Variants in LRRK2 observed in about 807,000 individuals in gnomAD.
LRRK2 encodes the protein leucine rich repeat kinase 2, also known as leucine-rich repeat serine/threonine-protein kinase 2.
In LRRK2, 203 loss-of-function variants were observed where a neutral mutation model predicts 302.6. The observed-to-expected ratio is 0.67, with a 90% CI of 0.60 to 0.75. LRRK2 has a LOEUF of 0.75. Ranked by LOEUF, LRRK2 falls within the 30% of genes least tolerant of loss-of-function variation. LRRK2 has a pLI of 0.00. For missense variants in LRRK2, 2,830 were observed against 2,951.0 expected (o/e 0.96, Z 0.95); for synonymous variants, 1,066 against 1,031.9 (o/e 1.03, Z -0.63).
intron 16 of LRRK2, among the ~76,000 whole-genome samples, chr12:40,275,875 G>T (rs1943430183): frequency 6.6e-6 from 1 of 151,978 alleles, no homozygotes; most frequent in Non-Finnish European, 1.5e-5. Context: ...GCCTCCCAAA[G>T]TGCTGGGATT....
intron 20 of LRRK2, among the ~76,000 whole-genome samples, chr12:40,288,896 G>A (rs1196463194): frequency 6.6e-6 from 1 of 151,802 alleles, no homozygotes; most frequent in Non-Finnish European, 1.5e-5. Context: ...TAACAAAACA[G>A]AGGTTTTAAA....
Position 40,298,798 on chromosome 12 carries a change from T to TATAA in LRRK2, c.3347+306_3347+307insTAAA, listed in dbSNP as rs57355300. 0.11 allele frequency among the ~76,000 whole-genome samples: 10,008 copies of TATAA among 95,048 alleles called. 1,599 individuals carry two copies. The highest frequency in any genetic ancestry group is 0.15 in the Middle Eastern group (31 of 208). 62.4% of individuals were successfully genotyped at this position (95,048 alleles called of 152,430 possible). A position where few individuals can be genotyped will look rare whatever the true frequency, so the allele number is the denominator to read the frequency against. The stretch of plus-strand genomic sequence containing the variant: ...AAAGAAATATATATATATATATATA[T>TATAA]AATATATGTATTATAATATATAATA... On this transcript the variant is annotated intron_variant, in intron 24 of 50. Coordinates refer to ENST00000298910, the MANE Select transcript of LRRK2 (RefSeq NM_198578.4).
intron 33 of LRRK2, among the ~76,000 whole-genome samples, chr12:40,317,606 A>T (rs1945265617): frequency 6.6e-6 from 1 of 152,118 alleles, no homozygotes; most frequent in Admixed American, 6.6e-5. Flanking sequence ...AAGAGATATG[A>T]AAGAGACCTA....
chr12:40,260,320 A>G (rs1203767249), intron 13 of LRRK2, among the ~76,000 whole-genome samples: 1 of 151,940 alleles, frequency 6.6e-6, no homozygotes, highest in Non-Finnish European at 1.5e-5. Context: ...ATAGATGCAT[A>G]TATAAAAGGC....
Position 40,232,341 on chromosome 12 carries a change from C to G in LRRK2, c.305C>G (p.Pro102Arg). Residue 102 changes from proline to arginine, a missense_variant, in exon 3 of 51, where the codon CCC (proline) becomes CGC (arginine). By Grantham distance (103) the Pro-to-Arg change is moderately radical. Transcript: ENST00000298910. Reference sequence around the variant, plus strand: ...GGTACAATGCAAAGCTTAATGGGACCCCAGGATGTTGGAAATGATTGGGAA... The same window carrying G: ...GGTACAATGCAAAGCTTAATGGGACGCCAGGATGTTGGAAATGATTGGGAA... Reference protein sequence around the residue: ...CPGTMQSLMGPQDVGNDWEVL... With the variant: ...CPGTMQSLMGRQDVGNDWEVL... The G allele has an allele frequency of 2.5e-6, 4 of 1,613,910 alleles. No individual in the cohort carries two copies. Among genetic ancestry groups the G allele is most frequent in the Non-Finnish European group, 3.4e-6 (4 of 1,179,964 alleles).
intron 45 of LRRK2, among the ~76,000 whole-genome samples, chr12:40,354,841 AAAAT>A (rs1281122343): frequency 1.8e-4 from 1 of 5,622 alleles, no homozygotes; most frequent in African/African-American, 3.1e-4. Flanking sequence ...TGAAAAAAAA[AAAAT>A]ATATATATAT....
intron 33 of LRRK2, among the ~76,000 whole-genome samples, chr12:40,315,748 A>G (rs1300484962): frequency 6.6e-6 from 1 of 152,076 alleles, no homozygotes; most frequent in Non-Finnish European, 1.5e-5. Flanking sequence ...TACGATTTTG[A>G]AAACTTTGGA....
In LRRK2 at chr12:40,321,016, G is replaced by A; in HGVS notation, c.5016-18G>A. The A allele has an allele frequency of 8.1e-6, 13 of 1,612,096 alleles. No homozygotes were observed. Among genetic ancestry groups the A allele is most frequent in the Non-Finnish European group, 1.1e-5 (13 of 1,178,494 alleles). On this transcript the variant is annotated intron_variant, in intron 34 of 50. Transcript: ENST00000298910. Reference sequence around the variant, plus strand: ...TGTTTTGTGAGGCTGTATAACCATAGTGTCCTTTTGCCTTTAGTTTGTCTG... The same window carrying A: ...TGTTTTGTGAGGCTGTATAACCATAATGTCCTTTTGCCTTTAGTTTGTCTG...
chr12:40,288,705 T>G (rs1944025767), intron 20 of LRRK2, among the ~76,000 whole-genome samples: 2 of 151,918 alleles, frequency 1.3e-5, no homozygotes, highest in Non-Finnish European at 2.9e-5. Flanking sequence ...AGAGGATGTT[T>G]TCATGTTCTT....
chr12:40,312,561 A>G (rs774974220), intron 31 of LRRK2, among the ~76,000 whole-genome samples: 3 of 152,028 alleles, frequency 2.0e-5, no homozygotes, highest in Non-Finnish European at 4.4e-5. Flanking sequence ...TTCTGTCTCA[A>G]CCTTATTAAC....
chr12:40,300,196 T>C (rs1406419915), intron 25 of LRRK2, among the ~76,000 whole-genome samples: 1 of 152,230 alleles, frequency 6.6e-6, no homozygotes, highest in Non-Finnish European at 1.5e-5. Flanking sequence ...TTAATGTATA[T>C]TCATTCAGCT....
At chr12:40,240,721 G>T in intron 6 of LRRK2, 104 bp downstream of exon 6, 2 of 1,116,024 alleles carry the variant, frequency 1.8e-6, no homozygotes, top group Non-Finnish European at 2.6e-6. Context: ...GAAACTTGTG[G>T]ATGCTCAACC....
chr12:40,263,772 T>C lies in LRRK2; in HGVS notation c.1544-17T>C. 6.5e-7 allele frequency: 1 copy of C among 1,536,726 alleles called. No homozygotes were observed. The highest frequency in any genetic ancestry group is 9.0e-7 in the Non-Finnish European group (1 of 1,110,938). Reference sequence around the variant, plus strand: ...TATAAGAAAATTCTTTCTTTATTTATTTATCTGTGCATTTAGGCATGCCAG... The same window carrying C: ...TATAAGAAAATTCTTTCTTTATTTACTTATCTGTGCATTTAGGCATGCCAG... On this transcript the variant is annotated splice_polypyrimidine_tract_variant and intron_variant, in intron 13 of 50. Transcript: ENST00000298910.
intron 25 of LRRK2, chr12:40,301,065 G>A (rs766626303): frequency 2.2e-6 from 1 of 458,296 alleles, no homozygotes; most frequent in Middle Eastern, 3.3e-4. Context: ...ATGCTTACAG[G>A]TGCATACAAT....
At chr12:40,298,191 C>T in intron 23 of LRRK2, 52 bp from the exon 24 acceptor site, 2 of 1,595,414 alleles carry the variant, frequency 1.3e-6, no homozygotes, top group Non-Finnish European at 1.7e-6. Context: ...ATTAGCTAGA[C>T]TTAAGTTCCT....
intron 14 of LRRK2, among the ~76,000 whole-genome samples, chr12:40,269,988 T>G (rs1943167643): frequency 6.6e-6 from 1 of 152,156 alleles, no homozygotes; most frequent in Non-Finnish European, 1.5e-5. Context: ...CTAACACTAC[T>G]ACCTACAGAC....
rs1228046539 is a variant in LRRK2, at chr12:40,243,720, A to T, written c.838+39A>T. On this transcript the variant is annotated intron_variant, in intron 7 of 50. Transcript: ENST00000298910. ...TTAATATGTCATCACACACTGTATG[A>T]TATACATATACATATAAAACATATA... The T allele has an allele frequency of 2.6e-6, 4 of 1,549,764 alleles. No homozygotes were observed. The South Asian group carries it at 4.5e-5, about 17-fold the overall frequency.
intron 6 of LRRK2, among the ~76,000 whole-genome samples, chr12:40,242,151 A>T (rs1364390893): frequency 6.6e-6 from 1 of 152,166 alleles, no homozygotes; most frequent in Non-Finnish European, 1.5e-5. Context: ...TAAAACACTG[A>T]TTCTAACTGA....
chr12:40,345,883 A>G (rs1258740373), intron 41 of LRRK2, among the ~76,000 whole-genome samples: 1 of 152,104 alleles, frequency 6.6e-6, no homozygotes, highest in Non-Finnish European at 1.5e-5. Context: ...AAATTAATTC[A>G]GTTGATTTTT....
Sources: gnomAD v4.1 joint callset for allele counts (sites outside exome capture counted in the v4.1 genomes callset) on GRCh38, gnomAD v4.1.1 for gene constraint, MANE v1.5 for transcripts, NCBI Gene and HGNC (gene_info 2026-07-23, HGNC 2026-07-21) for gene names.